The following CAMTA1 variants were observed in gnomAD, a reference collection of about 807,000 sequenced individuals.
The protein encoded by CAMTA1 is calmodulin-binding transcription activator 1.
In CAMTA1, 27 loss-of-function variants were observed where a neutral mutation model predicts 170.9. The ratio of observed to expected loss-of-function variants is 0.16; its 90% CI spans 0.12 to 0.22. The LOEUF is 0.22. Ranked by LOEUF, CAMTA1 falls within the 10% of genes least tolerant of loss-of-function variation. CAMTA1 has a pLI of 1.00. For missense variants in CAMTA1, 1,619 were observed against 2,217.2 expected (o/e 0.73, Z 5.42); for synonymous variants, 833 against 891.5 (o/e 0.93, Z 1.17).
At chr1:7,465,978 C>G (rs1171668821) in intron 5 of CAMTA1, among the ~76,000 whole-genome samples, 5 of 152,200 alleles carry the variant, frequency 3.3e-5, no homozygotes, top group Admixed American at 3.3e-4. Context: ...ATGGAAACCT[C>G]TTATTTCAAA....
chr1:6,928,571 C>T (rs957094320), intron 3 of CAMTA1, among the ~76,000 whole-genome samples: 2 of 152,152 alleles, frequency 1.3e-5, no homozygotes, highest in Admixed American at 6.5e-5. Flanking sequence ...CTGCCGTTGC[C>T]TGTTCCCAGA....
chr1:6,801,234 C>T (rs1643779426), intron 1 of CAMTA1, among the ~76,000 whole-genome samples: 1 of 152,236 alleles, frequency 6.6e-6, no homozygotes, highest in Non-Finnish European at 1.5e-5. Context: ...ATATTTCCCA[C>T]TGCAGCTTGT....
chr1:7,491,492 C>T (rs1290301441), intron 6 of CAMTA1, among the ~76,000 whole-genome samples: 1 of 152,202 alleles, frequency 6.6e-6, no homozygotes, highest in African/African-American at 2.4e-5. Context: ...TGCCGATTGT[C>T]CAATTGCTTA....
intron 11 of CAMTA1, among the ~76,000 whole-genome samples, chr1:7,715,360 G>T (rs1487051323): frequency 6.6e-6 from 1 of 151,982 alleles, no homozygotes; most frequent in African/African-American, 2.4e-5. Context: ...ACTTGGGGGG[G>T]TTCTGTAAGG....
intron 4 of CAMTA1, among the ~76,000 whole-genome samples, chr1:7,155,389 G>C (rs529372815): frequency 1.0e-4 from 15 of 150,268 alleles, no homozygotes; most frequent in South Asian, 2.1e-4. Flanking sequence ...GGCACCGTTG[G>C]GGGGGGGATT....
intron 1 of CAMTA1, chr1:6,806,960 A>G (rs1644583696): frequency 1.9e-6 from 1 of 516,698 alleles, no homozygotes; most frequent in East Asian, 3.0e-5. Flanking sequence ...CTCAACAAAT[A>G]ACAAAGTGCC....
intron 3 of CAMTA1, among the ~76,000 whole-genome samples, chr1:7,034,553 T>A (rs538450333): frequency 6.6e-6 from 1 of 152,356 alleles, no homozygotes; most frequent in Admixed American, 6.5e-5. Context: ...TGAAGCAGCC[T>A]CTGCACAGCT....
chr1:7,218,239 G>A (rs904456002), intron 4 of CAMTA1, among the ~76,000 whole-genome samples: 15 of 152,144 alleles, frequency 9.9e-5, no homozygotes, highest in Admixed American at 2.6e-4. Context: ...CAAATGCATC[G>A]TTGAGGTTTT....
At chr1:6,902,069 AC>A (rs1433014384) in intron 3 of CAMTA1, among the ~76,000 whole-genome samples, 74 of 80,112 alleles carry the variant, frequency 9.2e-4, no homozygotes, top group East Asian at 3.9e-3. Flanking sequence ...ACACACACAC[AC>A]ACAAAAAAAA....
At chr1:7,724,451 AT>A (rs941969835) in intron 11 of CAMTA1, among the ~76,000 whole-genome samples, 1 of 152,192 alleles carries the variant, frequency 6.6e-6, no homozygotes, top group Non-Finnish European at 1.5e-5. Context: ...AAAATGTTTA[AT>A]TTTTTAACCA....
At chr1:7,727,956 A>G (rs2096703592) in intron 11 of CAMTA1, among the ~76,000 whole-genome samples, 2 of 152,320 alleles carry the variant, frequency 1.3e-5, no homozygotes, top group Middle Eastern at 6.8e-3. Flanking sequence ...CAGCTCAGTC[A>G]TTTGCATTTG....
chr1:6,948,874 G>T (rs988259680), intron 3 of CAMTA1, among the ~76,000 whole-genome samples: 1 of 152,158 alleles, frequency 6.6e-6, no homozygotes, highest in Non-Finnish European at 1.5e-5. Context: ...TTTATTAAAG[G>T]GAAACAAAGA....
intron 6 of CAMTA1, among the ~76,000 whole-genome samples, chr1:7,577,422 C>G (rs531134336): frequency 5.3e-5 from 8 of 152,190 alleles, no homozygotes; most frequent in Non-Finnish European, 1.2e-4. Context: ...CCGTCACAGA[C>G]CATGGCTCCC....
At chr1:6,815,649 A>G (rs530108570) in intron 1 of CAMTA1, among the ~76,000 whole-genome samples, 1 of 152,350 alleles carries the variant, frequency 6.6e-6, no homozygotes, top group South Asian at 2.1e-4. Flanking sequence ...TCTAGGAATT[A>G]GTGGAATTAT....
rs60097652 is a variant in CAMTA1, at chr1:6,790,379, T to G, written c.45+4804T>G. 2.1e-5 allele frequency among the ~76,000 whole-genome samples: 3 copies of G among 141,780 alleles called. No individual in the cohort carries two copies. In the South Asian group the frequency reaches 6.9e-4, roughly 33 times the overall value. 93.0% of individuals were successfully genotyped at this position (141,780 alleles called of 152,430 possible). ...GTGTGAGAGAGAGAGAGAGAGAGTGTGTGTGTGTGTGTGTGTGTGTGTGTG... is the reference window on the plus strand; with the variant it reads ...GTGTGAGAGAGAGAGAGAGAGAGTGGGTGTGTGTGTGTGTGTGTGTGTGTG... On this transcript the variant is annotated intron_variant, in intron 1 of 22. Transcript: ENST00000303635.
intron 6 of CAMTA1, among the ~76,000 whole-genome samples, chr1:7,485,131 C>T (rs2149657772): frequency 6.6e-6 from 1 of 152,222 alleles, no homozygotes; most frequent in East Asian, 1.9e-4. Context: ...AGGATCTTCT[C>T]TGGCTGCCCA....
intron 3 of CAMTA1, among the ~76,000 whole-genome samples, chr1:6,959,501 C>T (rs985521678): frequency 2.6e-5 from 4 of 151,978 alleles, no homozygotes; most frequent in African/African-American, 7.2e-5. Flanking sequence ...TACCGGGTCC[C>T]GGGCAGGGGA....
intron 3 of CAMTA1, among the ~76,000 whole-genome samples, chr1:6,954,727 T>C (rs948171831): frequency 6.6e-5 from 10 of 152,112 alleles, no homozygotes; most frequent in African/African-American, 2.4e-4. Context: ...GCGAGTGCCT[T>C]TGAAAGCCCT....
intron 4 of CAMTA1, among the ~76,000 whole-genome samples, chr1:7,188,387 T>C (rs1653869770): frequency 6.6e-6 from 1 of 152,272 alleles, no homozygotes; most frequent in Admixed American, 6.5e-5. Flanking sequence ...CTCATATTGT[T>C]GTTCGACCAT....
Sources: allele counts gnomAD v4.1 joint callset (sites outside exome capture counted in the v4.1 genomes callset), GRCh38; gene constraint gnomAD v4.1.1; transcripts MANE v1.5; gene names NCBI Gene and HGNC (gene_info 2026-07-23, HGNC 2026-07-21).